Variants in FHIT observed in about 807,000 individuals in gnomAD.
FHIT encodes fragile histidine triad diadenosine triphosphatase.
In FHIT, 19 loss-of-function variants were observed where a neutral mutation model predicts 17.9. The observed-to-expected ratio is 1.06, with a 90% confidence interval of 0.74 to 1.56. The LOEUF (loss-of-function observed/expected upper bound fraction) is 1.56. FHIT is among the 40% of genes most tolerant of loss of function. The pLI, the probability that FHIT is intolerant of heterozygous loss-of-function variation, is 0.00. For missense variants in FHIT, 248 were observed against 189.2 expected, an observed-to-expected ratio of 1.31 and a Z score of -1.82; for synonymous variants, 81 against 69.7, an observed-to-expected ratio of 1.16 and a Z score of -0.81.
At chr3:60,864,087 AGAAGAATTGC>A (rs377647364) in intron 3 of FHIT, among the ~76,000 whole-genome samples, 17 of 152,104 alleles carry the variant, frequency 1.1e-4, no homozygotes, top group African/African-American at 3.9e-4. Flanking sequence ...GAGCATGTGA[AGAAGAATTGC>A]CCTTTATAAA....
intron 4 of FHIT, among the ~76,000 whole-genome samples, chr3:60,649,169 G>T (rs1019010932): frequency 6.6e-6 from 1 of 152,070 alleles, no homozygotes; most frequent in Non-Finnish European, 1.5e-5. Flanking sequence ...AGGCCGAGAC[G>T]GGTGGATCAC....
At chr3:60,091,729 G>C (rs563086816) in intron 5 of FHIT, among the ~76,000 whole-genome samples, 1 of 152,202 alleles carries the variant, frequency 6.6e-6, no homozygotes, top group South Asian at 2.1e-4. Flanking sequence ...AGATCTGGCT[G>C]TTTAAAAGTG....
At chr3:60,418,369 A>T (rs1702328642) in intron 5 of FHIT, among the ~76,000 whole-genome samples, 1 of 28,694 alleles carries the variant, frequency 3.5e-5, no homozygotes, top group African/African-American at 9.8e-5. Flanking sequence ...TATGTATCTG[A>T]ATGTGTGTAT....
chr3:60,943,908 C>A (rs1300628210), intron 3 of FHIT, among the ~76,000 whole-genome samples: 10 of 152,068 alleles, frequency 6.6e-5, no homozygotes, highest in African/African-American at 2.4e-4. Flanking sequence ...ATAAGTGAAT[C>A]CACTTGTCAT....
Position 60,731,640 on chromosome 3 carries a change from T to A in FHIT, c.-18+90279A>T, listed in dbSNP as rs114600085. Among the ~76,000 whole-genome samples, 305 of 152,236 alleles carry A rather than the reference T, an allele frequency of 2.0e-3. 4 individuals carry two copies. The highest frequency in any genetic ancestry group is 7.2e-3 in the African/African-American group (297 of 41,530). ...GCGTCCCTATAAGGTCATACACCAG[T>A]TAAACTCCACCATTTTGCCTCTTAG... On this transcript the variant is annotated intron_variant, in intron 4 of 9. Coordinates refer to ENST00000492590, the MANE Select transcript of FHIT (RefSeq NM_002012.4).
intron 5 of FHIT, among the ~76,000 whole-genome samples, chr3:60,309,317 G>A (rs966834736): frequency 2.1e-4 from 32 of 152,070 alleles, no homozygotes; most frequent in African/African-American, 7.2e-4. Context: ...TAGAGGCTCT[G>A]GGAGGACAAG....
intron 5 of FHIT, among the ~76,000 whole-genome samples, chr3:60,235,279 C>T (rs994910684): frequency 1.3e-5 from 2 of 148,962 alleles, no homozygotes; most frequent in African/African-American, 5.0e-5. Flanking sequence ...CACCCAGGCT[C>T]GAGTGCAATG....
chr3:60,344,712 T>A (rs1311164681), intron 5 of FHIT, among the ~76,000 whole-genome samples: 34 of 152,148 alleles, frequency 2.2e-4, no homozygotes, highest in Admixed American at 2.2e-3. Context: ...TAAAGCTAGA[T>A]TTATAAGTAT....
intron 3 of FHIT, among the ~76,000 whole-genome samples, chr3:61,026,947 T>C (rs936618993): frequency 6.6e-6 from 1 of 152,182 alleles, no homozygotes; most frequent in Non-Finnish European, 1.5e-5. Flanking sequence ...AATTGGTAAA[T>C]TTCAGTAACT....
At chr3:60,971,608 C>G (rs1710017781) in intron 3 of FHIT, among the ~76,000 whole-genome samples, 4 of 151,810 alleles carry the variant, frequency 2.6e-5, no homozygotes, top group Admixed American at 2.6e-4. Context: ...TGTTTTTTCC[C>G]CCATGGGTAT....
intron 8 of FHIT, among the ~76,000 whole-genome samples, chr3:59,887,749 G>A (rs1276959950): frequency 3.3e-5 from 5 of 152,178 alleles, no homozygotes; most frequent in Non-Finnish European, 7.3e-5. Flanking sequence ...TCAGGTGACT[G>A]CCCAAGAATT....
chr3:60,014,702 T>C (rs1379206325), intron 5 of FHIT, among the ~76,000 whole-genome samples: 1 of 152,230 alleles, frequency 6.6e-6, no homozygotes, highest in African/African-American at 2.4e-5. Flanking sequence ...GTGAACTTTA[T>C]CCATAACTAA....
intron 1 of FHIT, among the ~76,000 whole-genome samples, chr3:61,216,142 T>C (rs1372132450): frequency 1.3e-5 from 2 of 152,012 alleles, no homozygotes; most frequent in African/African-American, 2.4e-5. Context: ...AATTGACAAA[T>C]GGGATCTAAT....
intron 4 of FHIT, among the ~76,000 whole-genome samples, chr3:60,615,988 T>G (rs1183456669): frequency 6.6e-6 from 1 of 152,212 alleles, no homozygotes; most frequent in African/African-American, 2.4e-5. Flanking sequence ...TTGCTGTACA[T>G]TGAGAGATGT....
At chr3:61,215,615 G>C (rs996818377) in intron 1 of FHIT, among the ~76,000 whole-genome samples, 2 of 152,146 alleles carry the variant, frequency 1.3e-5, no homozygotes, top group African/African-American at 4.8e-5. Context: ...AGCTACCAAT[G>C]ACTTTCTTCA....
chr3:59,961,567 T>A (rs1183638724), intron 7 of FHIT, among the ~76,000 whole-genome samples: 3 of 152,146 alleles, frequency 2.0e-5, no homozygotes, highest in African/African-American at 7.2e-5. Context: ...AATCTCCTGG[T>A]CTGTGGGTTG....
chr3:60,129,185 T>TGGGACTGGA (rs769980849), intron 5 of FHIT, among the ~76,000 whole-genome samples: 8 of 151,696 alleles, frequency 5.3e-5, no homozygotes, highest in Admixed American at 4.6e-4. Flanking sequence ...CCCAAGTAGC[T>TGGGACTGGA]GGGACTACAG....
intron 3 of FHIT, among the ~76,000 whole-genome samples, chr3:60,926,089 T>C (rs1389250257): frequency 5.3e-5 from 8 of 152,042 alleles, no homozygotes; most frequent in Non-Finnish European, 1.2e-4. Context: ...AGACTTAGAC[T>C]CCCACACAAT....
intron 5 of FHIT, among the ~76,000 whole-genome samples, chr3:60,021,961 C>A (rs189627733): frequency 1.3e-5 from 2 of 152,136 alleles, no homozygotes; most frequent in Non-Finnish European, 2.9e-5. Context: ...CTCTCTTTAC[C>A]GCAGTATTCA....
Sources: gnomAD v4.1 joint callset for allele counts (sites outside exome capture counted in the v4.1 genomes callset) on GRCh38, gnomAD v4.1.1 for gene constraint, MANE v1.5 for transcripts, NCBI Gene and HGNC (gene_info 2026-07-23, HGNC 2026-07-21) for gene names.